FHIT: variants seen among roughly 807,000 people sequenced by gnomAD.
FHIT encodes bis(5'-adenosyl)-triphosphatase.
In FHIT, 19 loss-of-function variants were observed where a neutral mutation model predicts 17.9. The observed-to-expected ratio is 1.06, with a 90% CI of 0.74 to 1.56. The LOEUF (loss-of-function observed/expected upper bound fraction) is 1.56. Ranked by LOEUF, FHIT falls within the 40% of genes most tolerant of loss-of-function variation. The pLI is 0.00. For missense variants in FHIT, 248 were observed against 189.2 expected (o/e 1.31, Z -1.82); for synonymous variants, 81 against 69.7 (o/e 1.16, Z -0.81).
intron 4 of FHIT, among the ~76,000 whole-genome samples, chr3:60,688,346 A>T (rs1156869538): frequency 6.6e-6 from 1 of 152,136 alleles, no homozygotes; most frequent in Admixed American, 6.6e-5. Context: ...ATACTAAGAA[A>T]ATGGCTTTTT....
chr3:60,712,999 T>C (rs1408519606), intron 4 of FHIT, among the ~76,000 whole-genome samples: 1 of 150,620 alleles, frequency 6.6e-6, no homozygotes, highest in African/African-American at 2.4e-5. Context: ...ACACCACACC[T>C]GTTCTAAAAT....
intron 7 of FHIT, among the ~76,000 whole-genome samples, chr3:60,009,168 TG>T (rs1700040526): frequency 3.0e-3 from 24 of 8,014 alleles, no homozygotes; most frequent in African/African-American, 8.6e-3. Flanking sequence ...GGATTTTATG[TG>T]TGTGTGTGTG....
chr3:60,661,537 A>G (rs1271622985), intron 4 of FHIT, among the ~76,000 whole-genome samples: 3 of 152,090 alleles, frequency 2.0e-5, no homozygotes, highest in African/African-American at 7.2e-5. Flanking sequence ...TCTTTTTTGT[A>G]TAATAGCTTA....
At chr3:60,466,823 GTTTT>G (rs34184253) in intron 5 of FHIT, among the ~76,000 whole-genome samples, 21 of 135,450 alleles carry the variant, frequency 1.6e-4, no homozygotes, top group South Asian at 4.8e-4. Context: ...CTTGCCTGCA[GTTTT>G]TTTTTTTTTT....
chr3:60,539,013 A>T (rs536880148), intron 4 of FHIT, among the ~76,000 whole-genome samples: 1 of 152,246 alleles, frequency 6.6e-6, no homozygotes, highest in Admixed American at 6.5e-5. Flanking sequence ...CAACCTACAG[A>T]ATGGGAGAAA....
At chr3:60,145,557 T>C (rs1193439151) in intron 5 of FHIT, among the ~76,000 whole-genome samples, 1 of 152,220 alleles carries the variant, frequency 6.6e-6, no homozygotes, top group Non-Finnish European at 1.5e-5. Context: ...TGCAGTGCTA[T>C]GACATAGGCA....
At chr3:60,661,354 C>T (rs1014917769) in intron 4 of FHIT, among the ~76,000 whole-genome samples, 5 of 152,168 alleles carry the variant, frequency 3.3e-5, no homozygotes, top group African/African-American at 4.8e-5. Context: ...TCTCCAATTC[C>T]ACCCATGTAA....
intron 7 of FHIT, among the ~76,000 whole-genome samples, chr3:60,002,157 G>A (rs775721927): frequency 1.3e-5 from 2 of 152,086 alleles, no homozygotes; most frequent in African/African-American, 2.4e-5. Context: ...TTCATGTAAC[G>A]TCAGGAACCA....
Position 60,623,772 on chromosome 3 carries a change from T to A in FHIT, c.-17-86793A>T, listed in dbSNP as rs375802017. Among the ~76,000 whole-genome samples, 25 of 152,254 alleles carry A rather than the reference T, an allele frequency of 1.6e-4. 1 individual carries two copies. The highest frequency in any genetic ancestry group is 6.0e-4 in the African/African-American group (25 of 41,532). ...GCAAGGAAGTCCTCGTTTCGGCGTG[T>A]CTTCAGGAACACACCGGTTAACCAT... On this transcript the variant is annotated intron_variant, in intron 4 of 9. Transcript: ENST00000492590.
intron 4 of FHIT, among the ~76,000 whole-genome samples, chr3:60,589,281 C>T (rs1450781717): frequency 2.6e-5 from 4 of 152,012 alleles, no homozygotes; most frequent in African/African-American, 9.7e-5. Flanking sequence ...GTTTTCCTTC[C>T]AGGCCCAACC....
intron 7 of FHIT, among the ~76,000 whole-genome samples, chr3:59,951,954 C>A (rs1357712490): frequency 6.7e-6 from 1 of 149,510 alleles, no homozygotes; most frequent in Admixed American, 6.6e-5. Flanking sequence ...GCATGCCAAT[C>A]TCTTTTTGTC....
At chr3:60,533,749 A>G (rs772836861) in intron 5 of FHIT, among the ~76,000 whole-genome samples, 5 of 152,238 alleles carry the variant, frequency 3.3e-5, no homozygotes, top group Admixed American at 6.5e-5. Context: ...ACAGCCGGAA[A>G]GAAGGGAGAC....
chr3:59,748,774 C>G lies in FHIT; in HGVS notation c.*811G>C, dbSNP rs1038500951. Reference sequence around the variant, plus strand: ...ATTCAAATCTGAGCTTTGCCACTTACCGTTGGCCTTGAACTAATAATACTT... The same window carrying G: ...ATTCAAATCTGAGCTTTGCCACTTAGCGTTGGCCTTGAACTAATAATACTT... On this transcript the variant is annotated 3_prime_UTR_variant, in exon 10 of 10. Coordinates refer to ENST00000492590, the MANE Select transcript of FHIT (RefSeq NM_002012.4). Among the ~76,000 whole-genome samples, 1 of 146,886 alleles carries G rather than the reference C, an allele frequency of 6.8e-6. No individual in the cohort carries two copies. The highest frequency in any genetic ancestry group is 1.6e-5 in the Non-Finnish European group (1 of 64,140).
chr3:61,118,399 T>C (rs1384388623), intron 2 of FHIT, among the ~76,000 whole-genome samples: 3 of 90,004 alleles, frequency 3.3e-5, no homozygotes, highest in Non-Finnish European at 2.4e-5. Flanking sequence ...TGGAGGATCT[T>C]TTTGGAGCTG....
At chr3:60,630,670 C>A (rs2039414350) in intron 4 of FHIT, among the ~76,000 whole-genome samples, 1 of 152,128 alleles carries the variant, frequency 6.6e-6, no homozygotes, top group Non-Finnish European at 1.5e-5. Flanking sequence ...CAGGCCCCTG[C>A]CCATCCACTC....
chr3:60,635,991 A>G (rs552841784), intron 4 of FHIT, among the ~76,000 whole-genome samples: 2 of 152,310 alleles, frequency 1.3e-5, no homozygotes, highest in African/African-American at 2.4e-5. Context: ...TCAGGAGAAT[A>G]GGAGCATTTT....
chr3:60,449,976 C>T (rs2031614048), intron 5 of FHIT, among the ~76,000 whole-genome samples: 1 of 136,944 alleles, frequency 7.3e-6, no homozygotes, highest in African/African-American at 2.9e-5. Context: ...GCACTCCAGC[C>T]TGGCGACAGA....
intron 5 of FHIT, among the ~76,000 whole-genome samples, chr3:60,485,144 C>G (rs1467970333): frequency 1.3e-5 from 2 of 151,970 alleles, no homozygotes; most frequent in East Asian, 1.9e-4. Context: ...ACTGAAAAAC[C>G]AAGAAACAAC....
At chr3:61,212,478 G>C (rs1043857507) in intron 1 of FHIT, among the ~76,000 whole-genome samples, 1 of 152,188 alleles carries the variant, frequency 6.6e-6, no homozygotes, top group African/African-American at 2.4e-5. Context: ...AACAAACAAA[G>C]CCTCCAAGAA....
Sources: allele counts gnomAD v4.1 joint callset (sites outside exome capture counted in the v4.1 genomes callset), GRCh38; gene constraint gnomAD v4.1.1; transcripts MANE v1.5; gene names NCBI Gene and HGNC (gene_info 2026-07-23, HGNC 2026-07-21).